Variants in CNTN1 observed in about 807,000 individuals in gnomAD.
The protein encoded by CNTN1 is contactin 1, also known as contactin-1.
In CNTN1, 38 loss-of-function variants were observed where a neutral mutation model predicts 126.4. That is an observed-to-expected ratio of 0.30 (90% CI 0.23 to 0.39). The LOEUF (loss-of-function observed/expected upper bound fraction) is 0.39. CNTN1 is among the 10% of genes least tolerant of loss of function. The pLI, the probability that CNTN1 is intolerant of heterozygous loss-of-function variation, is 1.00. For synonymous variants in CNTN1, 413 were observed against 422.6 expected (o/e 0.98, Z 0.28); for missense variants, 1,009 against 1,248.4 (o/e 0.81, Z 2.89).
intron 1 of CNTN1, among the ~76,000 whole-genome samples, chr12:40,872,206 CTTTGTTTG>C (rs773944792): frequency 1.2e-5 from 1 of 86,920 alleles, no homozygotes; most frequent in African/African-American, 6.0e-5. Flanking sequence ...TTTTCCGTTG[CTTTGTTTG>C]TGTGTGTGTG....
chr12:40,747,855 G>A (rs1234047764), intron 1 of CNTN1, among the ~76,000 whole-genome samples: 1 of 152,118 alleles, frequency 6.6e-6, no homozygotes, highest in Non-Finnish European at 1.5e-5. Flanking sequence ...AACTACTTTG[G>A]TAACAAAGGC....
intron 7 of CNTN1, among the ~76,000 whole-genome samples, chr12:40,931,232 A>G (rs1945873359): frequency 6.6e-6 from 1 of 151,962 alleles, no homozygotes; most frequent in African/African-American, 2.4e-5. Context: ...CTAAATCCAA[A>G]GGACACTTTG....
intron 1 of CNTN1, among the ~76,000 whole-genome samples, chr12:40,818,081 T>C (rs900877672): frequency 1.3e-5 from 2 of 152,170 alleles, no homozygotes; most frequent in Non-Finnish European, 2.9e-5. Flanking sequence ...CGTTTCTTTC[T>C]GGTTGCACTT....
Position 41,027,950 on chromosome 12 carries a change from C to A in CNTN1, c.2804C>A (p.Ser935Tyr). The change falls in exon 22 of 24, where the codon TCT becomes TAT. Residue 935 changes from serine (S) to tyrosine (Y), a missense_variant. Transcript: ENST00000551295. ...WDHVVALSNE[S>Y]TVTGYKVLYR... is the part of the protein sequence containing the mutation. ...CATGTCGTTGCACTATCAAATGAAT[C>A]TACAGTGACGGGATATAAGGTATAT... 1 of 1,603,586 alleles carries A rather than the reference C, an allele frequency of 6.2e-7. No homozygotes were observed. Among genetic ancestry groups the A allele is most frequent in the Non-Finnish European group, 8.5e-7 (1 of 1,170,422 alleles).
intron 1 of CNTN1, among the ~76,000 whole-genome samples, chr12:40,885,791 T>G (rs900669047): frequency 6.6e-6 from 1 of 152,108 alleles, no homozygotes; most frequent in African/African-American, 2.4e-5. Context: ...ATTGAAAGTA[T>G]GTCATTTTGG....
chr12:40,887,113 T>C (rs371041401), intron 1 of CNTN1, among the ~76,000 whole-genome samples: 14,911 of 152,008 alleles, frequency 0.098, 852 homozygotes, highest in Non-Finnish European at 0.13. Context: ...AGAAAGTCAT[T>C]GGTAGCTTGA....
At chr12:40,813,254 T>C (rs1941151209) in intron 1 of CNTN1, among the ~76,000 whole-genome samples, 1 of 150,988 alleles carries the variant, frequency 6.6e-6, no homozygotes, top group Non-Finnish European at 1.5e-5. Flanking sequence ...ACAGGATTCA[T>C]GTGCAGAACA....
intron 3 of CNTN1, among the ~76,000 whole-genome samples, chr12:40,914,933 G>A (rs1186524254): frequency 1.3e-5 from 2 of 152,014 alleles, no homozygotes; most frequent in Admixed American, 6.6e-5. Flanking sequence ...TACACACTCA[G>A]TATAACTTTA....
At position 40,924,624 on chromosome 12, in the gene CNTN1, T is replaced by G; in HGVS notation, c.468T>G (p.Leu156=). ...TAAAAGAAGGGAAAGGAATGGTGCT[T>G]CTCTGTGACCCCCCATACCATTTTC... The part of the protein sequence containing the change: ...VRVKEGKGMV[L]LCDPPYHFPD... Residue 156 remains leucine, a synonymous_variant, in exon 6 of 24, where the codon CTT becomes CTG. Coordinates refer to ENST00000551295, the MANE Select transcript of CNTN1 (RefSeq NM_001843.4). 8 of 1,604,620 alleles carry G rather than the reference T, an allele frequency of 5.0e-6. No individual in the cohort carries two copies. Among genetic ancestry groups the G allele is most frequent in the Non-Finnish European group, 6.8e-6 (8 of 1,171,828 alleles).
chr12:41,039,988 G>A (rs1402750302), intron 23 of CNTN1, among the ~76,000 whole-genome samples: 1 of 151,984 alleles, frequency 6.6e-6, no homozygotes, highest in East Asian at 1.9e-4. Flanking sequence ...TATAACTAAA[G>A]AACAATTTTT....
intron 12 of CNTN1, among the ~76,000 whole-genome samples, chr12:40,940,509 G>A (rs1195416927): frequency 6.6e-6 from 1 of 152,112 alleles, no homozygotes; most frequent in Non-Finnish European, 1.5e-5. Flanking sequence ...TTTCTTCACA[G>A]TAACCCAATA....
At chr12:40,957,402 A>G (rs1946926424) in intron 14 of CNTN1, among the ~76,000 whole-genome samples, 1 of 151,100 alleles carries the variant, frequency 6.6e-6, no homozygotes, top group African/African-American at 2.4e-5. Context: ...TTTTAAAAAC[A>G]GAATTATGCA....
chr12:40,876,883 C>T (rs1353281205), intron 1 of CNTN1, among the ~76,000 whole-genome samples: 3 of 152,036 alleles, frequency 2.0e-5, no homozygotes, highest in South Asian at 4.1e-4. Flanking sequence ...TCAATACATT[C>T]ATTAAAGAAG....
intron 1 of CNTN1, among the ~76,000 whole-genome samples, chr12:40,836,281 T>G (rs190116976): frequency 2.0e-3 from 300 of 148,464 alleles, no homozygotes; most frequent in African/African-American, 7.3e-3. Context: ...TGTATGTATA[T>G]ATAACACATA....
intron 1 of CNTN1, among the ~76,000 whole-genome samples, chr12:40,711,445 G>A (rs1380561770): frequency 1.3e-5 from 2 of 151,844 alleles, no homozygotes; most frequent in Non-Finnish European, 2.9e-5. Flanking sequence ...ACATTTTTAG[G>A]GACCTCACTG....
At chr12:40,785,482 C>T (rs752586588) in intron 1 of CNTN1, among the ~76,000 whole-genome samples, 28 of 152,054 alleles carry the variant, frequency 1.8e-4, no homozygotes, top group Admixed American at 3.9e-4. Flanking sequence ...CACCTGGGTG[C>T]GGGCGGGCTG....
At chr12:40,863,145 T>A (rs1943173173) in intron 1 of CNTN1, among the ~76,000 whole-genome samples, 1 of 152,156 alleles carries the variant, frequency 6.6e-6, no homozygotes, top group Admixed American at 6.5e-5. Flanking sequence ...AAAATGATAA[T>A]CTTAGAATTA....
intron 15 of CNTN1, chr12:40,978,942 TA>T (rs1947753019): frequency 6.6e-6 from 1 of 152,218 alleles, no homozygotes; most frequent in South Asian, 2.1e-4. Flanking sequence ...TATTCACCTC[TA>T]ATTTTTTATT....
chr12:40,936,580 T>C lies in CNTN1; in HGVS notation c.986-201T>C, dbSNP rs563629146. Among the ~76,000 whole-genome samples, 17 of 152,290 alleles carry C rather than the reference T, an allele frequency of 1.1e-4. No homozygotes were observed. The East Asian group carries it at 3.3e-3, about 29-fold the overall frequency. On this transcript the variant is annotated intron_variant, in intron 9 of 23. Transcript: ENST00000551295. ...AAATGGAAAAATAATGGCTGAGTTA[T>C]AGTTACCTCCTGCTGTAATAATACA...
Sources: allele counts gnomAD v4.1 joint callset (sites outside exome capture counted in the v4.1 genomes callset), GRCh38; gene constraint gnomAD v4.1.1; transcripts MANE v1.5; gene names NCBI Gene and HGNC (gene_info 2026-07-23, HGNC 2026-07-21).